Variants in RGS6 observed in about 807,000 individuals in gnomAD.
The protein encoded by RGS6 is regulator of G-protein signaling 6.
Under a neutral mutation model 78.5 loss-of-function variants are expected in RGS6, and 30 were observed. The ratio of observed to expected loss-of-function variants is 0.38; its 90% confidence interval spans 0.29 to 0.52. The LOEUF is 0.52. Among genes scored for constraint, RGS6 ranks in the 20% least tolerant of loss-of-function variants. The pLI is 0.85. For synonymous variants in RGS6, 206 were observed against 206.0 expected (o/e 1.00, Z 0.00); for missense variants, 495 against 609.7 (o/e 0.81, Z 1.98).
chr14:71,877,274 C>A, the RGS6 span, among the ~76,000 whole-genome samples: 2 of 152,190 alleles, frequency 1.3e-5, no homozygotes, highest in Non-Finnish European at 2.9e-5. Flanking sequence ...GAGTGTTTTC[C>A]AACTTGTTTC....
intron 2 of RGS6, among the ~76,000 whole-genome samples, chr14:72,130,446 A>G (rs925742803): frequency 1.3e-5 from 2 of 152,202 alleles, no homozygotes; most frequent in African/African-American, 4.8e-5. Context: ...CTAATTATGT[A>G]TCCATGTGGC....
chr14:72,083,859 C>T (rs1483861241), intron 2 of RGS6, among the ~76,000 whole-genome samples: 1 of 152,102 alleles, frequency 6.6e-6, no homozygotes, highest in African/African-American at 2.4e-5. Flanking sequence ...GATTGCCCAT[C>T]AGTCTTGTAC....
At chr14:72,515,795 G>C (rs2096934907) in intron 14 of RGS6, 1 of 152,272 alleles carries the variant, frequency 6.6e-6, no homozygotes, top group Non-Finnish European at 1.5e-5. Flanking sequence ...AGGAACCGCA[G>C]GGAGCCTGCA....
At chr14:72,340,072 G>A (rs11850083) in intron 2 of RGS6, among the ~76,000 whole-genome samples, 1 of 152,162 alleles carries the variant, frequency 6.6e-6, no homozygotes, top group African/African-American at 2.4e-5. Flanking sequence ...CCAGCACCTA[G>A]CATGCAGTGA....
At chr14:72,213,432 C>G (rs1477788975) in intron 2 of RGS6, among the ~76,000 whole-genome samples, 2 of 152,288 alleles carry the variant, frequency 1.3e-5, no homozygotes, top group East Asian at 3.9e-4. Context: ...AACTCCCTTT[C>G]TCTGTCTCAT....
intron 2 of RGS6, among the ~76,000 whole-genome samples, chr14:72,311,233 C>T (rs952205680): frequency 2.6e-5 from 4 of 152,186 alleles, no homozygotes; most frequent in Non-Finnish European, 5.9e-5. Context: ...TGACTAAGAG[C>T]CTCATGTACT....
intron 2 of RGS6, among the ~76,000 whole-genome samples, chr14:71,983,884 G>A (rs1256911829): frequency 6.6e-6 from 1 of 152,168 alleles, no homozygotes; most frequent in Admixed American, 6.5e-5. Flanking sequence ...TTATCACCGC[G>A]TGAAGCTTAG....
intron 2 of RGS6, among the ~76,000 whole-genome samples, chr14:72,141,087 T>C (rs1178801626): frequency 2.0e-5 from 3 of 152,198 alleles, no homozygotes; most frequent in Non-Finnish European, 4.4e-5. Flanking sequence ...GGCTGAGTCA[T>C]TCTCTATTTA....
intron 2 of RGS6, among the ~76,000 whole-genome samples, chr14:72,343,009 T>G (rs763072633): frequency 7.2e-5 from 11 of 152,208 alleles, no homozygotes; most frequent in Non-Finnish European, 4.4e-5. Context: ...AAGGAGAAGA[T>G]GCATACTAAT....
chr14:71,911,644 C>A, the RGS6 span, among the ~76,000 whole-genome samples: 3 of 152,190 alleles, frequency 2.0e-5, no homozygotes, highest in African/African-American at 7.2e-5. Flanking sequence ...TAGTGTTTAA[C>A]ATCCACTCAG....
chr14:72,021,178 T>C (rs1378014079), intron 2 of RGS6, among the ~76,000 whole-genome samples: 1 of 152,218 alleles, frequency 6.6e-6, no homozygotes, highest in Non-Finnish European at 1.5e-5. Context: ...CAGACGTCTT[T>C]GTCCTTCCTT....
chr14:72,089,141 G>A (rs995344231), intron 2 of RGS6, among the ~76,000 whole-genome samples: 1 of 152,228 alleles, frequency 6.6e-6, no homozygotes, highest in Admixed American at 6.5e-5. Flanking sequence ...AATCTTGACT[G>A]GTTCACCCTT....
At chr14:72,224,222 C>A (rs749151807) in intron 2 of RGS6, among the ~76,000 whole-genome samples, 9 of 152,096 alleles carry the variant, frequency 5.9e-5, no homozygotes, top group Non-Finnish European at 1.0e-4. Flanking sequence ...AGTTCAAAAC[C>A]AGCCTGGGCA....
intron 2 of RGS6, among the ~76,000 whole-genome samples, chr14:72,002,591 T>A (rs2083684598): frequency 8.2e-6 from 1 of 122,336 alleles, no homozygotes; most frequent in African/African-American, 2.9e-5. Context: ...GAGGCAAGAG[T>A]CTTGCCAACT....
intron 2 of RGS6, among the ~76,000 whole-genome samples, chr14:72,128,079 T>G (rs915490142): frequency 6.6e-6 from 1 of 152,208 alleles, no homozygotes; most frequent in Non-Finnish European, 1.5e-5. Context: ...CTGTGCTGTT[T>G]CCAAATTTTT....
rs563046219 is a variant in RGS6 at position 72,510,726 on chromosome 14, C to G, written c.1091+447C>G. 1.7e-4 allele frequency among the ~76,000 whole-genome samples: 26 copies of G among 152,292 alleles called. No homozygotes were observed. The South Asian group carries it at 5.4e-3, about 32-fold the overall frequency. On this transcript the variant is annotated intron_variant, in intron 14 of 17. Transcript: ENST00000553525. Reference sequence around the variant, plus strand: ...GGGCTCATTTCAGAATTTCAAAGAGCAAAGTAAATATCACTCAGTAACTGG... The same window carrying G: ...GGGCTCATTTCAGAATTTCAAAGAGGAAAGTAAATATCACTCAGTAACTGG...
At chr14:72,224,620 A>C (rs2047672672) in intron 2 of RGS6, among the ~76,000 whole-genome samples, 1 of 152,196 alleles carries the variant, frequency 6.6e-6, no homozygotes, top group African/African-American at 2.4e-5. Context: ...CCTATGCCTG[A>C]AAAGTTGTGC....
chr14:72,000,914 G>T (rs2238272), intron 2 of RGS6, among the ~76,000 whole-genome samples: 75,072 of 151,936 alleles, frequency 0.49, 18,662 homozygotes, highest in Middle Eastern at 0.57. Flanking sequence ...GTTTTAAAGT[G>T]GATTAATTCT....
the RGS6 span, among the ~76,000 whole-genome samples, chr14:72,616,487 C>G: frequency 6.6e-6 from 1 of 152,190 alleles, no homozygotes; most frequent in Non-Finnish European, 1.5e-5. Context: ...AAGAAGACGT[C>G]TAACATTGGC....
Sources: allele counts gnomAD v4.1 joint callset (sites outside exome capture counted in the v4.1 genomes callset), GRCh38; gene constraint gnomAD v4.1.1; transcripts MANE v1.5; gene names NCBI Gene and HGNC (gene_info 2026-07-23, HGNC 2026-07-21).